CDIN1: variants seen among roughly 807,000 people sequenced by gnomAD.
CDIN1 encodes the protein CDAN1 interacting nuclease 1.
In CDIN1, 33 loss-of-function variants were observed where a neutral mutation model predicts 45.3. The ratio of observed to expected loss-of-function variants is 0.73; its 90% CI spans 0.55 to 0.97. The LOEUF is 0.97. CDIN1 is among the 50% of genes least tolerant of loss of function. CDIN1 has a pLI of 0.00. For synonymous variants in CDIN1, 118 were observed against 124.4 expected (o/e 0.95, Z 0.34); for missense variants, 303 against 339.4 (o/e 0.89, Z 0.84).
chr15:36,663,566 T>A (rs1431861765), intron 5 of CDIN1, among the ~76,000 whole-genome samples: 3 of 152,126 alleles, frequency 2.0e-5, no homozygotes, highest in Non-Finnish European at 4.4e-5. Flanking sequence ...GGGCTCTTCC[T>A]TTTTGCTCGG....
At chr15:36,690,097 C>T (rs750890553) in intron 5 of CDIN1, among the ~76,000 whole-genome samples, 2 of 152,246 alleles carry the variant, frequency 1.3e-5, no homozygotes, top group Non-Finnish European at 1.5e-5. Flanking sequence ...AGTGCAAACA[C>T]GTGTTCACAA....
At chr15:36,690,610 C>T (rs1299172443) in intron 5 of CDIN1, among the ~76,000 whole-genome samples, 2 of 152,050 alleles carry the variant, frequency 1.3e-5, no homozygotes, top group Non-Finnish European at 2.9e-5. Context: ...TAGTATAGAG[C>T]TTGATAAAGA....
In CDIN1 at chr15:36,589,545, T is replaced by C. The variant is rs537695361; in HGVS notation, c.101+9584T>C. Reference sequence around the variant, plus strand: ...TTTTGAGACGGAGTCTTGCTCTGCTTCCCAGGCTGGAGTGCAGTGGCGCCA... The same window carrying C: ...TTTTGAGACGGAGTCTTGCTCTGCTCCCCAGGCTGGAGTGCAGTGGCGCCA... On this transcript the variant is annotated intron_variant, in intron 1 of 10. Coordinates refer to ENST00000566621, the MANE Select transcript of CDIN1 (RefSeq NM_001321759.2). Among the ~76,000 whole-genome samples, 412 of 151,530 alleles carry C rather than the reference T, an allele frequency of 2.7e-3. 2 individuals carry two copies. The highest frequency in any genetic ancestry group is 9.2e-3 in the African/African-American group (379 of 41,330).
intron 1 of CDIN1, among the ~76,000 whole-genome samples, chr15:36,584,959 T>C (rs2037225636): frequency 6.6e-6 from 1 of 152,196 alleles, no homozygotes; most frequent in Admixed American, 6.5e-5. Flanking sequence ...ACCTGAAACA[T>C]AGGACATACT....
rs1221072227 is a variant in CDIN1 at position 36,621,792 on chromosome 15, A to G, written c.102-22486A>G. 2.0e-5 allele frequency among the ~76,000 whole-genome samples: 3 copies of G among 152,244 alleles called. No homozygotes were observed. The East Asian group carries it at 5.8e-4, about 29-fold the overall frequency. On this transcript the variant is annotated intron_variant, in intron 1 of 10. Coordinates refer to ENST00000566621, the MANE Select transcript of CDIN1 (RefSeq NM_001321759.2). ...GCAAATTCCTTGGTGCTAGCCATTCAAAATTGTGTGAAGGGCAGTATCTGA... is the reference window on the plus strand; with the variant it reads ...GCAAATTCCTTGGTGCTAGCCATTCGAAATTGTGTGAAGGGCAGTATCTGA...
chr15:36,798,947 C>T (rs1483090089), intron 10 of CDIN1: 5 of 152,200 alleles, frequency 3.3e-5, no homozygotes, highest in Non-Finnish European at 7.3e-5. Context: ...AAATGGACTG[C>T]ACCACTGTCA....
intron 1 of CDIN1, among the ~76,000 whole-genome samples, chr15:36,616,725 C>T (rs907129179): frequency 2.4e-4 from 37 of 151,910 alleles, no homozygotes; most frequent in African/African-American, 8.7e-4. Context: ...CCAGCCTGAC[C>T]AATATGGTGA....
At chr15:36,698,098 AT>A (rs1211967616) in intron 8 of CDIN1, among the ~76,000 whole-genome samples, 1 of 152,186 alleles carries the variant, frequency 6.6e-6, no homozygotes, top group Non-Finnish European at 1.5e-5. Flanking sequence ...TTATATAGAT[AT>A]TGAAGAGTCT....
intron 4 of CDIN1, 110 bp from the exon 5 acceptor site, chr15:36,657,723 C>A: frequency 1.3e-6 from 1 of 767,030 alleles, no homozygotes; most frequent in Non-Finnish European, 2.1e-6. Flanking sequence ...ATGAATGATG[C>A]TTGCTATGGT....
intron 8 of CDIN1, 69 bp downstream of exon 8, chr15:36,697,459 T>A (rs897122174): frequency 7.9e-5 from 100 of 1,265,336 alleles, no homozygotes; most frequent in Middle Eastern, 3.9e-4. Context: ...ATTTTAAAAA[T>A]CTTCCACTAA....
chr15:36,767,786 G>A (rs1009395263), intron 10 of CDIN1, among the ~76,000 whole-genome samples: 2 of 152,146 alleles, frequency 1.3e-5, no homozygotes, highest in Non-Finnish European at 2.9e-5. Flanking sequence ...CAAATGTATT[G>A]CAGTAGAGGT....
Position 36,691,730 on chromosome 15 carries a change from T to G in CDIN1, c.392T>G (p.Ile131Ser), listed in dbSNP as rs572722941. The G allele has an allele frequency of 3.1e-6, 5 of 1,603,942 alleles. No homozygotes were observed. The Admixed American group carries it at 8.5e-5, about 27-fold the overall frequency. ...INSMLRDPSQ[I>S]PDGVLANQVY... ...AGTATGCTACGGGACCCTTCTCAGA[T>G]TCCAGATGGAGTTCTAGCAAATCAG... The change falls in exon 6 of 11, where the codon ATT becomes AGT. Residue 131 changes from isoleucine to serine, a missense_variant. By Grantham distance (142) the Ile-to-Ser change is moderately radical (BLOSUM62 -2). Transcript: ENST00000566621.
At chr15:36,720,324 A>G (rs1049576445) in intron 10 of CDIN1, among the ~76,000 whole-genome samples, 6 of 151,632 alleles carry the variant, frequency 4.0e-5, no homozygotes, top group Non-Finnish European at 7.4e-5. Flanking sequence ...CATGTGCACA[A>G]CGTGCAGGTT....
chr15:36,605,353 T>C (rs1050328332), intron 1 of CDIN1, among the ~76,000 whole-genome samples: 4 of 152,182 alleles, frequency 2.6e-5, no homozygotes, highest in Admixed American at 6.5e-5. Context: ...ATAATGCTGT[T>C]TTTGTAACTT....
rs189513195 is a variant in CDIN1 at position 36,657,204 on chromosome 15, A to G, written c.274-629A>G. On this transcript the variant is annotated intron_variant, in intron 4 of 10. Coordinates refer to ENST00000566621, the MANE Select transcript of CDIN1 (RefSeq NM_001321759.2). ...TAAATTGGTAAGTAGTGTTTCAGATAAGGACGGTGATCTTATGTTGCAGAT... is the reference window on the plus strand; with the variant it reads ...TAAATTGGTAAGTAGTGTTTCAGATGAGGACGGTGATCTTATGTTGCAGAT... Among the ~76,000 whole-genome samples the G allele has an allele frequency of 2.6e-4, 40 of 152,254 alleles. No homozygotes were observed. The East Asian group carries it at 7.3e-3, about 28-fold the overall frequency.
At chr15:36,771,791 C>T (rs545758586) in intron 10 of CDIN1, among the ~76,000 whole-genome samples, 11 of 152,038 alleles carry the variant, frequency 7.2e-5, no homozygotes, top group Admixed American at 4.6e-4. Context: ...TAGCTGGGCA[C>T]GGTGGTGGGT....
At chr15:36,794,131 T>A (rs908044827) in intron 10 of CDIN1, among the ~76,000 whole-genome samples, 1 of 147,694 alleles carries the variant, frequency 6.8e-6, no homozygotes, top group African/African-American at 2.5e-5. Flanking sequence ...CGATCTCGGC[T>A]CACTGCAAGC....
chr15:36,605,596 A>T (rs1196216375), intron 1 of CDIN1, among the ~76,000 whole-genome samples: 1 of 152,186 alleles, frequency 6.6e-6, no homozygotes, highest in Admixed American at 6.6e-5. Context: ...CAGACATCAG[A>T]TTTGTTCATC....
At chr15:36,703,426 T>TCTG (rs2042747113) in intron 8 of CDIN1, among the ~76,000 whole-genome samples, 1 of 146,024 alleles carries the variant, frequency 6.8e-6, no homozygotes, top group African/African-American at 2.5e-5. Flanking sequence ...ATCAGATATA[T>TCTG]ATATATCAGA....
Sources: gnomAD v4.1 joint callset for allele counts (sites outside exome capture counted in the v4.1 genomes callset) on GRCh38, gnomAD v4.1.1 for gene constraint, MANE v1.5 for transcripts, NCBI Gene and HGNC (gene_info 2026-07-23, HGNC 2026-07-21) for gene names.